ARFGEF1: variants seen among roughly 807,000 people sequenced by gnomAD.
ARFGEF1 encodes the protein ARF guanine nucleotide exchange factor 1.
In ARFGEF1, 42 loss-of-function variants were observed where a neutral mutation model predicts 231.0. The ratio of observed to expected loss-of-function variants is 0.18; its 90% CI spans 0.14 to 0.24. The LOEUF (loss-of-function observed/expected upper bound fraction) is 0.24. Among genes scored for constraint, ARFGEF1 ranks in the 10% least tolerant of loss-of-function variants. The pLI, the probability that ARFGEF1 is intolerant of heterozygous loss-of-function variation, is 1.00. For missense variants in ARFGEF1, 1,345 were observed against 2,192.0 expected (o/e 0.61, Z 7.72); for synonymous variants, 710 against 732.3 (o/e 0.97, Z 0.49).
chr8:67,333,040 C>G (rs561203783), intron 1 of ARFGEF1, among the ~76,000 whole-genome samples: 5 of 141,870 alleles, frequency 3.5e-5, no homozygotes, highest in Non-Finnish European at 7.7e-5. Context: ...AAATTAAATA[C>G]TTTTTTTTTT....
chr8:67,244,242 CAAAAAAAA>C (rs34333039), intron 19 of ARFGEF1, among the ~76,000 whole-genome samples: 3,112 of 19,822 alleles, frequency 0.16, 284 homozygotes, highest in African/African-American at 0.31. Flanking sequence ...GACTCCACCT[CAAAAAAAA>C]AAAAAAAAAA....
intron 37 of ARFGEF1, among the ~76,000 whole-genome samples, chr8:67,201,266 T>C (rs1456775082): frequency 1.3e-5 from 2 of 152,234 alleles, no homozygotes; most frequent in African/African-American, 4.8e-5. Flanking sequence ...TCCTTTGTCC[T>C]GCATGTTAGA....
intron 1 of ARFGEF1, among the ~76,000 whole-genome samples, chr8:67,322,678 C>G (rs950218871): frequency 4.6e-5 from 7 of 152,174 alleles, no homozygotes; most frequent in Admixed American, 3.9e-4. Flanking sequence ...GCTCTCTAGC[C>G]TGGGCAACAA....
At chr8:67,258,627 T>C (rs1032966657) in intron 15 of ARFGEF1, among the ~76,000 whole-genome samples, 1 of 152,016 alleles carries the variant, frequency 6.6e-6, no homozygotes, top group Non-Finnish European at 1.5e-5. Context: ...CGGCCAGAAA[T>C]TGAGATTTTC....
chr8:67,185,997 G>A (rs1051256439), intron 5 of ARFGEF1, among the ~76,000 whole-genome samples: 10 of 152,170 alleles, frequency 6.6e-5, no homozygotes, highest in Admixed American at 3.3e-4. Context: ...GGAAAAGGTG[G>A]TTCTCTTCCC....
intron 33 of ARFGEF1, among the ~76,000 whole-genome samples, chr8:67,214,475 G>A (rs1429752458): frequency 6.6e-6 from 1 of 152,224 alleles, no homozygotes; most frequent in Admixed American, 6.5e-5. Context: ...GAAACTGCCA[G>A]TTGATGATGT....
chr8:67,227,714 T>C (rs773452252), intron 25 of ARFGEF1, 116 bp from the exon 26 acceptor site: 14 of 1,187,792 alleles, frequency 1.2e-5, no homozygotes, highest in African/African-American at 1.6e-5. Flanking sequence ...AATCCTAAGA[T>C]TTTCCATAAA....
chr8:67,187,369 T>C (rs900462819), intron 5 of ARFGEF1, among the ~76,000 whole-genome samples: 1 of 152,070 alleles, frequency 6.6e-6, no homozygotes, highest in East Asian at 1.9e-4. Context: ...AACAGACAAA[T>C]AGACCAGTTG....
At chr8:67,259,736 G>A (rs55993413) in intron 15 of ARFGEF1, 79 bp downstream of exon 15, 39,700 of 994,456 alleles carry the variant, frequency 0.04, 1,959 homozygotes, top group African/African-American at 0.22. Context: ...GCAATATAGC[G>A]AGACCCTGTC....
chr8:67,283,048 T>C (rs1464035495), intron 7 of ARFGEF1, among the ~76,000 whole-genome samples: 1 of 151,888 alleles, frequency 6.6e-6, no homozygotes, highest in Admixed American at 6.6e-5. Flanking sequence ...AAAAGATAAG[T>C]AGTCCAATGA....
intron 34 of ARFGEF1, chr8:67,207,080 A>G (rs1238412808): frequency 5.9e-5 from 9 of 152,226 alleles, no homozygotes; most frequent in Non-Finnish European, 1.5e-5. Flanking sequence ...AGTTAAAAAA[A>G]CAAAACAAAG....
At chr8:67,203,385 T>A in intron 35 of ARFGEF1, 134 bp from the exon 36 acceptor site, 2 of 1,013,770 alleles carry the variant, frequency 2.0e-6, no homozygotes, top group Non-Finnish European at 2.9e-6. Flanking sequence ...TAACAGAAAG[T>A]AAGGGAAGGT....
Position 67,310,991 on chromosome 8 carries a change from T to C in ARFGEF1, c.125-8525A>G, listed in dbSNP as rs1243784900. 3.0e-4 allele frequency among the ~76,000 whole-genome samples: 19 copies of C among 63,128 alleles called. 1 individual carries two copies. The allele number at this position is 63,128 out of a possible 152,430, so 41.4% of individuals were successfully genotyped here. A position where few individuals can be genotyped will look rare whatever the true frequency, so the allele number is the denominator to read the frequency against. Reference sequence around the variant, plus strand: ...GGGGCCCGGGAGGGAGGTTGGGGGGTCAGCCCCCCGCCCGGCCAGCCGCCC... The same window carrying C: ...GGGGCCCGGGAGGGAGGTTGGGGGGCCAGCCCCCCGCCCGGCCAGCCGCCC... On this transcript the variant is annotated intron_variant, in intron 1 of 38. Transcript: ENST00000262215.
At chr8:67,218,168 C>G (rs180779728) in intron 30 of ARFGEF1, 30 bp from the exon 31 acceptor site, 1 of 1,269,554 alleles carries the variant, frequency 7.9e-7, no homozygotes, top group African/African-American at 1.8e-5. Flanking sequence ...ATGAACATCA[C>G]GCCATTAATC....
downstream of ARFGEF1, chr8:67,197,647 G>A (rs1317835818): frequency 1.0e-6 from 1 of 985,634 alleles, no homozygotes; most frequent in Non-Finnish European, 1.2e-6. Flanking sequence ...CATGGGGGTG[G>A]GTTATACAGG....
intron 1 of ARFGEF1, among the ~76,000 whole-genome samples, chr8:67,308,930 A>C (rs1000298740): frequency 3.3e-5 from 5 of 152,192 alleles, no homozygotes; most frequent in African/African-American, 9.7e-5. Flanking sequence ...ATCTACCTTT[A>C]GTAATTCTGA....
At chr8:67,258,470 G>T (rs944073220) in intron 15 of ARFGEF1, among the ~76,000 whole-genome samples, 180 bp from the exon 16 acceptor site, 1 of 151,912 alleles carries the variant, frequency 6.6e-6, no homozygotes, top group African/African-American at 2.4e-5. Flanking sequence ...GATTAAAGGC[G>T]CCTGCTACTG....
chr8:67,191,740 A>G (rs1252576021), intron 5 of ARFGEF1, among the ~76,000 whole-genome samples: 1 of 152,134 alleles, frequency 6.6e-6, no homozygotes. Flanking sequence ...GAAGTTTCTG[A>G]TGTTTTTATT....
downstream of ARFGEF1, among the ~76,000 whole-genome samples, chr8:67,196,639 T>A (rs1277906221): frequency 6.6e-5 from 10 of 152,268 alleles, no homozygotes; most frequent in African/African-American, 2.4e-4. Context: ...TAAATTTTTA[T>A]TTGATTTTCT....
Sources: allele counts gnomAD v4.1 joint callset (sites outside exome capture counted in the v4.1 genomes callset), GRCh38; gene constraint gnomAD v4.1.1; transcripts MANE v1.5; gene names NCBI Gene and HGNC (gene_info 2026-07-23, HGNC 2026-07-21).